The following MAMDC2 variants were observed in gnomAD, a reference collection of about 807,000 sequenced individuals.
The protein encoded by MAMDC2 is MAM domain containing 2, also known as MAM domain-containing protein 2.
A neutral mutation model predicts 89.8 loss-of-function variants in MAMDC2; 57 were observed. That is an observed-to-expected ratio of 0.63 (90% CI 0.51 to 0.79). MAMDC2 has a LOEUF of 0.79. Among genes scored for constraint, MAMDC2 ranks in the 30% least tolerant of loss-of-function variants. The pLI, the probability that MAMDC2 is intolerant of heterozygous loss-of-function variation, is 0.00. For synonymous variants in MAMDC2, 313 were observed against 293.4 expected (o/e 1.07, Z -0.68); for missense variants, 800 against 820.6 (o/e 0.97, Z 0.31).
chr9:70,088,047 T>C (rs529442659), intron 2 of MAMDC2, among the ~76,000 whole-genome samples: 36 of 152,142 alleles, frequency 2.4e-4, no homozygotes, highest in African/African-American at 8.7e-4. Context: ...CACTTTAGAG[T>C]GTTCAGTTGG....
chr9:70,100,461 G>C (rs1828158087), intron 2 of MAMDC2, among the ~76,000 whole-genome samples: 1 of 152,178 alleles, frequency 6.6e-6, no homozygotes, highest in South Asian at 2.1e-4. Context: ...TGAGTTCAGG[G>C]ACTAGACTTC....
At chr9:70,205,964 T>C (rs2033215845) in intron 11 of MAMDC2, among the ~76,000 whole-genome samples, 1 of 130,092 alleles carries the variant, frequency 7.7e-6, no homozygotes, top group Non-Finnish European at 1.6e-5. Context: ...GGAAACCAAG[T>C]GTCATTTGCA....
chr9:70,078,464 A>T (rs915455710), intron 2 of MAMDC2, among the ~76,000 whole-genome samples: 12 of 152,212 alleles, frequency 7.9e-5, no homozygotes, highest in African/African-American at 2.7e-4. Flanking sequence ...TATGAGCTCC[A>T]TTGACCTTTG....
chr9:70,226,567 T>C lies in MAMDC2; in HGVS notation c.*535T>C, dbSNP rs536799149. ...TTTATTCATAGAAATGGAGTATTAATTTTTAATATTTTCACCATATGTGAT... is the reference window on the plus strand; with the variant it reads ...TTTATTCATAGAAATGGAGTATTAACTTTTAATATTTTCACCATATGTGAT... On this transcript the variant is annotated 3_prime_UTR_variant, in exon 14 of 14. Coordinates refer to ENST00000377182, the MANE Select transcript of MAMDC2 (RefSeq NM_153267.5). 1.3e-5 allele frequency: 2 copies of C among 152,706 alleles called. No individual in the cohort carries two copies. The highest frequency in any genetic ancestry group is 2.1e-4 in the South Asian group (1 of 4,834). 9.5% of individuals were successfully genotyped at this position (152,706 alleles called of 1,614,324 possible). A position where few individuals can be genotyped will look rare whatever the true frequency, so the allele number is the denominator to read the frequency against.
intron 2 of MAMDC2, among the ~76,000 whole-genome samples, chr9:70,099,534 G>A (rs2997694): frequency 0.064 from 9,723 of 152,052 alleles, 990 homozygotes; most frequent in African/African-American, 0.21. Context: ...TATTGTCCAG[G>A]CTGCTTTGAT....
chr9:70,044,335 AG>A, intron 1 of MAMDC2, 104 bp downstream of exon 1: 3 of 1,304,608 alleles, frequency 2.3e-6, no homozygotes, highest in Non-Finnish European at 3.2e-6. Flanking sequence ...GGGCCATCCG[AG>A]GGCGCCTCCT....
chr9:70,114,869 G>A (rs1328771168), intron 5 of MAMDC2, among the ~76,000 whole-genome samples: 1 of 152,180 alleles, frequency 6.6e-6, no homozygotes, highest in African/African-American at 2.4e-5. Context: ...TGGGAATTCA[G>A]AGACAAAAGA....
intron 2 of MAMDC2, among the ~76,000 whole-genome samples, chr9:70,047,293 G>A (rs149813510): frequency 5.9e-4 from 90 of 151,646 alleles, no homozygotes; most frequent in African/African-American, 2.1e-3. Flanking sequence ...CTATCATCCC[G>A]TCATCTAGGT....
chr9:70,105,354 A>G (rs931018624), intron 2 of MAMDC2, among the ~76,000 whole-genome samples: 5 of 152,194 alleles, frequency 3.3e-5, no homozygotes, highest in African/African-American at 1.2e-4. Context: ...TATCCAGAGC[A>G]GGCCTGGAAA....
chr9:70,044,103 C>G lies in MAMDC2; in HGVS notation c.-95C>G. 1 of 1,476,562 alleles carries G rather than the reference C, an allele frequency of 6.8e-7. No homozygotes were observed. The highest frequency in any genetic ancestry group is 9.4e-7 in the Non-Finnish European group (1 of 1,063,660). 91.5% of individuals were successfully genotyped at this position (1,476,562 alleles called of 1,614,324 possible). On this transcript the variant is annotated 5_prime_UTR_variant, in exon 1 of 14. Transcript: ENST00000377182. ...CTTCTCCCTCCTTGGGTCCCCGGCG[C>G]CCCCGCCTCCCACGATCCCTTTCAC...
intron 9 of MAMDC2, chr9:70,153,522 G>A (rs1439984341): frequency 2.0e-5 from 3 of 152,122 alleles, no homozygotes; most frequent in Non-Finnish European, 2.9e-5. Flanking sequence ...ATCGTTCAGT[G>A]GTCTGTTAAT....
chr9:70,194,335 G>A (rs1389568762), intron 11 of MAMDC2: 1 of 152,124 alleles, frequency 6.6e-6, no homozygotes, highest in Non-Finnish European at 1.5e-5. Flanking sequence ...ACAGAATTAA[G>A]AGACAAGACC....
intron 2 of MAMDC2, among the ~76,000 whole-genome samples, chr9:70,095,623 T>C (rs539962519): frequency 6.6e-6 from 1 of 152,262 alleles, no homozygotes; most frequent in East Asian, 1.9e-4. Context: ...GGCATGTCCA[T>C]GTGGAGATGC....
chr9:70,143,467 G>A (rs2031294095), intron 8 of MAMDC2, 87 bp from the exon 9 acceptor site: 1 of 1,442,862 alleles, frequency 6.9e-7, no homozygotes, highest in Non-Finnish European at 9.5e-7. Flanking sequence ...AGTCTTTGCT[G>A]TCTAGTTCTA....
chr9:70,141,821 G>T (rs1407337349), intron 8 of MAMDC2, among the ~76,000 whole-genome samples: 1 of 152,098 alleles, frequency 6.6e-6, no homozygotes, highest in African/African-American at 2.4e-5. Flanking sequence ...ATATATGGAG[G>T]AAACAATGGA....
At chr9:70,129,483 T>C (rs543617640) in intron 6 of MAMDC2, among the ~76,000 whole-genome samples, 3 of 152,248 alleles carry the variant, frequency 2.0e-5, no homozygotes, top group South Asian at 4.1e-4. Context: ...TACAGTGATA[T>C]ATCCAGGCCC....
chr9:70,206,802 C>A (rs1414977942), intron 11 of MAMDC2, among the ~76,000 whole-genome samples: 1 of 152,156 alleles, frequency 6.6e-6, no homozygotes, highest in African/African-American at 2.4e-5. Context: ...ACCACAGGCC[C>A]CGGTGTGTGA....
At chr9:70,154,149 T>A (rs2031671031) in intron 9 of MAMDC2, 1 of 152,256 alleles carries the variant, frequency 6.6e-6, no homozygotes, top group Non-Finnish European at 1.5e-5. Context: ...TGTACTTACC[T>A]GTCTCGTTAA....
intron 8 of MAMDC2, among the ~76,000 whole-genome samples, chr9:70,140,971 C>T (rs1326340784): frequency 6.6e-6 from 1 of 152,066 alleles, no homozygotes; most frequent in South Asian, 2.1e-4. Context: ...TGGAGCCCAA[C>T]CCAGTGGAGA....
Sources: gnomAD v4.1 joint callset for allele counts (sites outside exome capture counted in the v4.1 genomes callset) on GRCh38, gnomAD v4.1.1 for gene constraint, MANE v1.5 for transcripts, NCBI Gene and HGNC (gene_info 2026-07-23, HGNC 2026-07-21) for gene names.